The following SGCZ variants were observed in gnomAD, a reference collection of about 807,000 sequenced individuals.
SGCZ encodes zeta-sarcoglycan.
In SGCZ, 40 loss-of-function variants were observed where a neutral mutation model predicts 41.3. The observed-to-expected ratio is 0.97, with a 90% CI of 0.75 to 1.26. The LOEUF (loss-of-function observed/expected upper bound fraction) is 1.26. SGCZ is among the 50% of genes most tolerant of loss of function. The pLI, the probability that SGCZ is intolerant of heterozygous loss-of-function variation, is 0.00. For missense variants in SGCZ, 552 were observed against 369.8 expected, an observed-to-expected ratio of 1.49 and a Z score of -4.04; for synonymous variants, 206 against 137.5, an observed-to-expected ratio of 1.50 and a Z score of -3.49.
At chr8:14,580,836 G>T (rs1459882715) in intron 1 of SGCZ, among the ~76,000 whole-genome samples, 5 of 152,090 alleles carry the variant, frequency 3.3e-5, no homozygotes, top group Non-Finnish European at 5.9e-5. Context: ...GAGATGGAGG[G>T]AGCCTTCTCC....
chr8:14,792,377 T>C (rs2130472875), intron 1 of SGCZ, among the ~76,000 whole-genome samples: 1 of 152,236 alleles, frequency 6.6e-6, no homozygotes, highest in Non-Finnish European at 1.5e-5. Context: ...AGTCCCCTTT[T>C]GTAGAAAAGA....
At chr8:15,087,903 G>A (rs897403717) in intron 1 of SGCZ, among the ~76,000 whole-genome samples, 3 of 152,080 alleles carry the variant, frequency 2.0e-5, no homozygotes, top group African/African-American at 7.2e-5. Context: ...TACTTACCAT[G>A]TAAATTAACG....
intron 1 of SGCZ, among the ~76,000 whole-genome samples, chr8:14,719,227 C>T (rs1214118320): frequency 6.7e-6 from 1 of 148,980 alleles, no homozygotes; most frequent in Non-Finnish European, 1.5e-5. Flanking sequence ...TGTATATGTG[C>T]CACATTTTCT....
chr8:15,077,965 G>A (rs1805601129), intron 1 of SGCZ, among the ~76,000 whole-genome samples: 1 of 151,442 alleles, frequency 6.6e-6, no homozygotes, highest in African/African-American at 2.4e-5. Context: ...TGTGGATAAG[G>A]AACCTGCACA....
At chr8:14,311,784 A>C (rs1281687312) in intron 3 of SGCZ, among the ~76,000 whole-genome samples, 1 of 138,012 alleles carries the variant, frequency 7.2e-6, no homozygotes, top group Non-Finnish European at 1.7e-5. Flanking sequence ...GTGAATGTTC[A>C]CTGAAATGTG....
chr8:15,081,911 T>C (rs757208698), intron 1 of SGCZ, among the ~76,000 whole-genome samples: 2 of 152,122 alleles, frequency 1.3e-5, no homozygotes, highest in African/African-American at 2.4e-5. Context: ...AAAAAGTAAA[T>C]ACTAAAGCTG....
chr8:14,484,137 G>A (rs1209166922), intron 2 of SGCZ, among the ~76,000 whole-genome samples: 2 of 152,124 alleles, frequency 1.3e-5, no homozygotes, highest in Admixed American at 1.3e-4. Flanking sequence ...TTATACATAT[G>A]TACAAACTGG....
At chr8:14,453,956 T>A (rs1800669671) in intron 2 of SGCZ, among the ~76,000 whole-genome samples, 1 of 152,142 alleles carries the variant, frequency 6.6e-6, no homozygotes, top group Non-Finnish European at 1.5e-5. Context: ...ATTCTTATAT[T>A]GTACTTGGTT....
At chr8:14,363,117 T>C (rs2040894779) in intron 2 of SGCZ, among the ~76,000 whole-genome samples, 1 of 152,162 alleles carries the variant, frequency 6.6e-6, no homozygotes, top group South Asian at 2.1e-4. Flanking sequence ...GGGGTCTAAA[T>C]GCAAAATCAT....
chr8:14,148,792 A>C (rs1312994709), intron 5 of SGCZ, among the ~76,000 whole-genome samples: 1 of 152,140 alleles, frequency 6.6e-6, no homozygotes, highest in Non-Finnish European at 1.5e-5. Context: ...TCTTCCATAA[A>C]ATACTAGCAA....
chr8:14,332,497 A>G (rs1274081639), intron 2 of SGCZ: 1 of 152,092 alleles, frequency 6.6e-6, no homozygotes, highest in African/African-American at 2.4e-5. Flanking sequence ...GACAAAATGG[A>G]TAGGATCATA....
At chr8:14,957,451 G>T (rs577879525) in intron 1 of SGCZ, among the ~76,000 whole-genome samples, 5 of 151,860 alleles carry the variant, frequency 3.3e-5, no homozygotes, top group South Asian at 2.1e-4. Flanking sequence ...TTGTCACTTG[G>T]TCTTACCGAT....
intron 1 of SGCZ, among the ~76,000 whole-genome samples, chr8:14,964,023 C>G (rs1801051999): frequency 6.6e-6 from 1 of 152,112 alleles, no homozygotes; most frequent in South Asian, 2.1e-4. Flanking sequence ...CCTTTAAATC[C>G]TATGCAAAGG....
At chr8:14,561,745 G>A (rs1300856831) in intron 1 of SGCZ, among the ~76,000 whole-genome samples, 3 of 152,004 alleles carry the variant, frequency 2.0e-5, no homozygotes, top group Non-Finnish European at 4.4e-5. Context: ...TGCAATTCAG[G>A]GAAGAGCTGG....
At chr8:14,757,108 G>C (rs1200394962) in intron 1 of SGCZ, among the ~76,000 whole-genome samples, 1 of 152,068 alleles carries the variant, frequency 6.6e-6, no homozygotes, top group Non-Finnish European at 1.5e-5. Flanking sequence ...GAGTGCAATG[G>C]CACGATCTCA....
At chr8:14,291,801 G>T (rs1800849640) in intron 3 of SGCZ, among the ~76,000 whole-genome samples, 1 of 151,914 alleles carries the variant, frequency 6.6e-6, no homozygotes, top group Admixed American at 6.6e-5. Context: ...GGGTACAGGA[G>T]AATTATTTAT....
intron 1 of SGCZ, among the ~76,000 whole-genome samples, chr8:14,969,650 C>T (rs2130862627): frequency 6.6e-6 from 1 of 152,036 alleles, no homozygotes; most frequent in South Asian, 2.1e-4. Context: ...ATATACATTT[C>T]CTTGTCTGGC....
chr8:14,767,547 G>A (rs1660572285), intron 1 of SGCZ, among the ~76,000 whole-genome samples: 1 of 152,184 alleles, frequency 6.6e-6, no homozygotes, highest in Non-Finnish European at 1.5e-5. Context: ...AGATTGTAAT[G>A]AGCTGCCTAG....
Position 14,219,006 on chromosome 8 carries a change from A to G in SGCZ, c.424+18586T>C, listed in dbSNP as rs192430484. 1.3e-4 allele frequency among the ~76,000 whole-genome samples: 20 copies of G among 152,362 alleles called. No homozygotes were observed. In the East Asian group the frequency reaches 3.9e-3, roughly 29 times the overall value. On this transcript the variant is annotated intron_variant, in intron 4 of 7. Transcript: ENST00000382080. ...TATGGTTGTTTGGCATTTGAACCAA[A>G]CTGGAGAGGTGAAAAAGCTTGATAA...
Sources: gnomAD v4.1 joint callset for allele counts (sites outside exome capture counted in the v4.1 genomes callset) on GRCh38, gnomAD v4.1.1 for gene constraint, MANE v1.5 for transcripts, NCBI Gene and HGNC (gene_info 2026-07-23, HGNC 2026-07-21) for gene names.